The following FNIP2 variants were observed in gnomAD, a reference collection of about 807,000 sequenced individuals.
The protein encoded by FNIP2 is folliculin-interacting protein 2.
A neutral mutation model predicts 108.7 loss-of-function variants in FNIP2; 32 were observed. The ratio of observed to expected loss-of-function variants is 0.29; its 90% CI spans 0.22 to 0.40. The LOEUF (loss-of-function observed/expected upper bound fraction) is 0.40. Ranked by LOEUF, FNIP2 falls within the 10% of genes least tolerant of loss-of-function variation. The pLI is 1.00. For missense variants in FNIP2, 1,202 were observed against 1,381.6 expected, an observed-to-expected ratio of 0.87 and a Z score of 2.06; for synonymous variants, 480 against 496.7, an observed-to-expected ratio of 0.97 and a Z score of 0.45.
Position 158,868,699 on chromosome 4 carries a change from T to G in FNIP2, c.2063T>G (p.Val688Gly). 1 of 1,614,014 alleles carries G rather than the reference T, an allele frequency of 6.2e-7. No homozygotes were observed. The highest frequency in any genetic ancestry group is 8.5e-7 in the Non-Finnish European group (1 of 1,179,892). The change falls in exon 13 of 17, where the codon GTG (valine) becomes GGG (glycine). Residue 688 changes from valine (V) to glycine (G), a missense_variant. By Grantham distance (109) the Val-to-Gly change is moderately radical. Transcript: ENST00000264433. This position sits in a 1 kb window ranked among gnomAD's most constrained non-coding sequence, Gnocchi z 4.6. ...DQQAVCELLK[V>G]EMPTRLPDRS... ...CAAGCTGTCTGTGAGCTGTTGAAAG[T>G]GGAGATGCCTACAAGACTGCCAGAC...
chr4:158,828,038 G>A (rs1363813362), intron 2 of FNIP2, among the ~76,000 whole-genome samples: 1 of 152,168 alleles, frequency 6.6e-6, no homozygotes, highest in Non-Finnish European at 1.5e-5. Flanking sequence ...CATAGAGGGT[G>A]CAGGAAGCTT....
rs758986882 is a variant in FNIP2, at chr4:158,861,338, A to G, written c.1149-4A>G. ...TTGTGTTTCCCTCTCTTTCTGTTCT[A>G]TAGAGGAACTATCTGGAACTTATAT... is the stretch of plus-strand genomic sequence containing the variant. On this transcript the variant is annotated splice_region_variant and splice_polypyrimidine_tract_variant and intron_variant, in intron 10 of 16. Coordinates refer to ENST00000264433, the MANE Select transcript of FNIP2 (RefSeq NM_020840.3). 8.7e-6 allele frequency: 14 copies of G among 1,612,226 alleles called. No homozygotes were observed. The highest frequency in any genetic ancestry group is 2.2e-5 in the East Asian group (1 of 44,898).
chr4:158,812,052 G>C (rs1450042532), intron 1 of FNIP2, among the ~76,000 whole-genome samples: 2 of 152,204 alleles, frequency 1.3e-5, no homozygotes, highest in East Asian at 1.9e-4. Context: ...AATGTGAATG[G>C]GGTGGAGGTG....
At position 158,869,284 on chromosome 4, in the gene FNIP2, CTGAAGGAGA is replaced by C. The variant is rs768032578; in HGVS notation, c.2649_2657del (p.Glu884_Asp886del). 16 of 1,613,894 alleles carry C rather than the reference CTGAAGGAGA, an allele frequency of 9.9e-6. No individual in the cohort carries two copies. In the African/African-American group the frequency reaches 2.0e-4, roughly 20 times the overall value. The stretch of plus-strand genomic sequence containing the variant: ...GACAACAAGAAGGCCAACTTCAGGA[CTGAAGGAGA>C]CATTCCCCGAAATGAAAGCTCAGAT... On this transcript the variant is annotated inframe_deletion, in exon 13 of 17. Coordinates refer to ENST00000264433, the MANE Select transcript of FNIP2 (RefSeq NM_020840.3).
At chr4:158,874,509 C>T (rs373656560) in intron 14 of FNIP2, among the ~76,000 whole-genome samples, 2 of 11,756 alleles carry the variant, frequency 1.7e-4, no homozygotes, top group Non-Finnish European at 2.5e-4. Context: ...AAAAAAATAG[C>T]TAGGCATGGT....
rs983279480 is a variant in FNIP2 at position 158,778,691 on chromosome 4, T to A, written c.107+9372T>A. On this transcript the variant is annotated intron_variant, in intron 1 of 16. Transcript: ENST00000264433. ...AATTAAACTTTATCATAGGTATGTA[T>A]GGGAAAAAACATAGTATATACAGGG... is the stretch of plus-strand genomic sequence containing the variant. Among the ~76,000 whole-genome samples the A allele has an allele frequency of 5.3e-5, 8 of 152,328 alleles. No homozygotes were observed. The East Asian group carries it at 1.5e-3, about 29-fold the overall frequency.
At chr4:158,871,800 T>C in intron 14 of FNIP2, 1 of 985,256 alleles carries the variant, frequency 1.0e-6, no homozygotes, top group Non-Finnish European at 1.2e-6. Context: ...CATATAGTCA[T>C]TTATCATTTC....
chr4:158,772,889 A>C (rs1232889568), intron 1 of FNIP2, among the ~76,000 whole-genome samples: 1 of 152,216 alleles, frequency 6.6e-6, no homozygotes, highest in Non-Finnish European at 1.5e-5. Flanking sequence ...ACAAACAGAT[A>C]AACACTGATA....
At chr4:158,783,921 G>A (rs549243495) in intron 1 of FNIP2, among the ~76,000 whole-genome samples, 1 of 152,322 alleles carries the variant, frequency 6.6e-6, no homozygotes, top group African/African-American at 2.4e-5. Context: ...ATGGAGGAAT[G>A]TACATGAGTC....
At chr4:158,862,773 G>GA (rs1347340532) in intron 12 of FNIP2, among the ~76,000 whole-genome samples, 1 of 152,132 alleles carries the variant, frequency 6.6e-6, no homozygotes, top group Non-Finnish European at 1.5e-5. Context: ...GGGGAAGACA[G>GA]AACATGGTTG....
intron 14 of FNIP2, chr4:158,889,696 A>G (rs754297104): frequency 6.7e-5 from 25 of 371,052 alleles, no homozygotes; most frequent in Non-Finnish European, 9.3e-5. Flanking sequence ...AAAGGTCTCT[A>G]ATATAGATCT....
intron 14 of FNIP2, among the ~76,000 whole-genome samples, chr4:158,875,519 T>TATATATATATATATATATATAC (rs1781223037): frequency 1.5e-5 from 1 of 68,316 alleles, no homozygotes; most frequent in African/African-American, 4.5e-5. Flanking sequence ...GGCTGTGATA[T>TATATATATATATATATATATAC]ATATATATAT....
chr4:158,893,600 C>T, intron 15 of FNIP2: 1 of 1,026,176 alleles, frequency 9.7e-7, no homozygotes, highest in Non-Finnish European at 1.5e-6. Context: ...TGTCCTGGGG[C>T]AATATGAGAA....
At chr4:158,851,185 G>A (rs1053962613) in intron 7 of FNIP2, 136 bp from the exon 8 acceptor site, 3 of 959,648 alleles carry the variant, frequency 3.1e-6, no homozygotes, top group Non-Finnish European at 4.5e-6. Flanking sequence ...TAGTGGCGAA[G>A]TGTACAGTTT....
At chr4:158,806,258 G>T in intron 1 of FNIP2, 5 of 1,289,362 alleles carry the variant, frequency 3.9e-6, no homozygotes, top group Non-Finnish European at 5.1e-6. Context: ...ATGTGCGGCG[G>T]CACAGCGAAC....
Position 158,778,632 on chromosome 4 carries a change from ATTG to A in FNIP2, c.107+9319_107+9321del, listed in dbSNP as rs553882127. Among the ~76,000 whole-genome samples, 22 of 152,274 alleles carry A rather than the reference ATTG, an allele frequency of 1.4e-4. No individual in the cohort carries two copies. In the East Asian group the frequency reaches 2.1e-3, roughly 15 times the overall value. The stretch of plus-strand genomic sequence containing the variant: ...AATTGTTCTATTTTTATTATTAGTT[ATTG>A]TTGTTAATCTCTTACTGTGCCTAAT... On this transcript the variant is annotated intron_variant, in intron 1 of 16. Coordinates refer to ENST00000264433, the MANE Select transcript of FNIP2 (RefSeq NM_020840.3).
intron 6 of FNIP2, 119 bp downstream of exon 6, chr4:158,833,747 A>AT (rs753338710): frequency 1.4e-4 from 210 of 1,451,562 alleles, no homozygotes; most frequent in Non-Finnish European, 1.7e-4. Context: ...ATCTGTGTTT[A>AT]TTTTTTTTGT....
In FNIP2 at chr4:158,861,385, C is replaced by T; in HGVS notation, c.1192C>T (p.Pro398Ser). The T allele has an allele frequency of 6.2e-7, 1 of 1,614,002 alleles. No homozygotes were observed. The highest frequency in any genetic ancestry group is 1.6e-4 in the Middle Eastern group (1 of 6,062). Residue 398 changes from proline to serine, a missense_variant, in exon 11 of 17, where the codon CCT becomes TCT. By Grantham distance (74) the Pro-to-Ser change is moderately conservative (BLOSUM62 -1). This residue lies in a region of FNIP2 where 878 missense variants were observed against 990.3 expected (regional missense o/e 0.89). Coordinates refer to ENST00000264433, the MANE Select transcript of FNIP2 (RefSeq NM_020840.3). Reference protein sequence around the residue: ...NLYSVPRIAEPVWLTMMSGTL... With the variant: ...NLYSVPRIAESVWLTMMSGTL... ...ATATTCTGTTCCAAGGATAGCTGAACCTGTATGGCTTACTATGATGTCCGG... is the reference window on the plus strand; with the variant it reads ...ATATTCTGTTCCAAGGATAGCTGAATCTGTATGGCTTACTATGATGTCCGG...
At chr4:158,776,413 A>T (rs1159294402) in intron 1 of FNIP2, among the ~76,000 whole-genome samples, 2 of 152,202 alleles carry the variant, frequency 1.3e-5, no homozygotes, top group Non-Finnish European at 2.9e-5. Context: ...TTCTGGCTTT[A>T]ACACCTTATA....
Sources: allele counts gnomAD v4.1 joint callset (sites outside exome capture counted in the v4.1 genomes callset), GRCh38; gene constraint gnomAD v4.1.1; regional missense constraint gnomAD v4.1.1; non-coding constraint Gnocchi (gnomAD v3.1); transcripts MANE v1.5; gene names NCBI Gene and HGNC (gene_info 2026-07-23, HGNC 2026-07-21).